Variants in MED1 observed in about 807,000 individuals in gnomAD.
The protein encoded by MED1 is mediator of RNA polymerase II transcription subunit 1.
A neutral mutation model predicts 121.3 loss-of-function variants in MED1; 17 were observed. The observed-to-expected ratio is 0.14, with a 90% CI of 0.10 to 0.21. MED1 has a LOEUF of 0.21. Among genes scored for constraint, MED1 ranks in the 10% least tolerant of loss-of-function variants. The probability of loss-of-function intolerance (pLI) is 1.00; values close to 1 mark genes in which losing one functional copy is unlikely to be tolerated. For synonymous variants in MED1, 661 were observed against 694.4 expected (o/e 0.95, Z 0.76); for missense variants, 1,558 against 1,919.4 (o/e 0.81, Z 3.52).
intron 2 of MED1, among the ~76,000 whole-genome samples, chr17:39,446,566 G>A (rs961753459): frequency 6.6e-6 from 1 of 151,372 alleles, no homozygotes; most frequent in African/African-American, 2.4e-5. Context: ...ACGAGGTCAG[G>A]AGATGGAGAC....
At position 39,408,744 on chromosome 17, in the gene MED1, G is replaced by A. The variant is rs1408742635; in HGVS notation, c.3477C>T (p.Thr1159=). 6.2e-7 allele frequency: 1 copy of A among 1,614,196 alleles called. No individual in the cohort carries two copies. Among genetic ancestry groups the A allele is most frequent in the Non-Finnish European group, 8.5e-7 (1 of 1,180,034 alleles). Residue 1159 remains threonine (T), a synonymous_variant, in exon 17 of 17, where the codon ACC becomes ACT. Transcript: ENST00000300651. The surrounding 1 kb of genome is among the most constrained non-coding windows in gnomAD (Gnocchi z 4.7). ...TAGAGCCACTGCTCAGTCCATGCTT[G>A]GTTATGGGAGAGGAGCCTGGCTTCC... ...SGGKPGSSPI[T]KHGLSSGSSS...
chr17:39,438,779 T>G (rs1019333572), intron 6 of MED1, among the ~76,000 whole-genome samples: 5 of 152,070 alleles, frequency 3.3e-5, no homozygotes, highest in Non-Finnish European at 4.4e-5. Context: ...AGCCACCTAG[T>G]CTCTATTAAA....
intron 12 of MED1, 94 bp from the exon 13 acceptor site, chr17:39,423,539 A>C: frequency 7.1e-7 from 1 of 1,415,208 alleles, no homozygotes; most frequent in Non-Finnish European, 1.0e-6. Context: ...CACCCAAAAG[A>C]GTACTTACTA....
At chr17:39,416,585 T>G (rs2048411273) in intron 14 of MED1, among the ~76,000 whole-genome samples, 1 of 152,190 alleles carries the variant, frequency 6.6e-6, no homozygotes, top group Non-Finnish European at 1.5e-5. Flanking sequence ...TCTTAAGGCA[T>G]TTTAACACAT....
At chr17:39,446,557 C>T (rs2048729592) in intron 2 of MED1, among the ~76,000 whole-genome samples, 3 of 150,940 alleles carry the variant, frequency 2.0e-5, no homozygotes, top group Non-Finnish European at 3.0e-5. Context: ...AGGCAGATCA[C>T]GAGGTCAGGA....
chr17:39,414,582 G>A (rs968373236), intron 16 of MED1, among the ~76,000 whole-genome samples: 2 of 135,766 alleles, frequency 1.5e-5, no homozygotes, highest in Admixed American at 7.9e-5. Context: ...TGATCCACCC[G>A]CCTTCACCTC....
chr17:39,417,732 G>A (rs2144728423), intron 14 of MED1, among the ~76,000 whole-genome samples: 1 of 152,276 alleles, frequency 6.6e-6, no homozygotes, highest in East Asian at 1.9e-4. Context: ...TATCAACAGA[G>A]CGCTTCTGAC....
intron 3 of MED1, among the ~76,000 whole-genome samples, 187 bp downstream of exon 3, chr17:39,443,363 A>G (rs540830167): frequency 6.6e-6 from 1 of 152,226 alleles, no homozygotes; most frequent in East Asian, 1.9e-4. Flanking sequence ...CCTCCAAAAC[A>G]GGATCAAAAA....
At chr17:39,419,667 G>A (rs1220683523) in intron 14 of MED1, 50 bp downstream of exon 14, 4 of 1,536,518 alleles carry the variant, frequency 2.6e-6, no homozygotes, top group Non-Finnish European at 2.7e-6. Context: ...AGAACCACTG[G>A]AGAAGTAAGT....
chr17:39,434,385 T>C, intron 6 of MED1, 65 bp from the exon 7 acceptor site: 1 of 813,968 alleles, frequency 1.2e-6, no homozygotes, highest in Non-Finnish European at 1.9e-6. Flanking sequence ...TACTCAATCT[T>C]ACAACAAAGT....
At position 39,440,005 on chromosome 17, in the gene MED1, G is replaced by T. The variant is rs1476913039; in HGVS notation, c.399+381C>A. Among the ~76,000 whole-genome samples, 1 of 122,084 alleles carries T rather than the reference G, an allele frequency of 8.2e-6. No individual in the cohort carries two copies. Among genetic ancestry groups the T allele is most frequent in the South Asian group, 3.0e-4 (1 of 3,312 alleles). The allele number at this position is 122,084 out of a possible 152,430, so 80.1% of individuals were successfully genotyped here. A position where few individuals can be genotyped will look rare whatever the true frequency, so the allele number is the denominator to read the frequency against. On this transcript the variant is annotated intron_variant, in intron 5 of 16. Coordinates refer to ENST00000300651, the MANE Select transcript of MED1 (RefSeq NM_004774.4). This position sits in a 1 kb window ranked among gnomAD's most constrained non-coding sequence, Gnocchi z 4.1. ...AAGAAAGAAGGAAGGAAGGAAGGAA[G>T]GAAGGAAGGAAGGAAAGAAAGAAAG...
intron 6 of MED1, among the ~76,000 whole-genome samples, chr17:39,436,169 T>C (rs1488091855): frequency 6.6e-5 from 10 of 151,902 alleles, no homozygotes; most frequent in Admixed American, 6.6e-4. Flanking sequence ...GAAACCATCC[T>C]GGCTAACACG....
chr17:39,447,997 G>T, intron 1 of MED1, 93 bp from the exon 2 acceptor site: 1 of 778,854 alleles, frequency 1.3e-6, no homozygotes, highest in Non-Finnish European at 2.1e-6. Flanking sequence ...CTTCATCACA[G>T]TAAGAATTCA....
chr17:39,442,469 C>T (rs775451132), intron 3 of MED1, among the ~76,000 whole-genome samples: 14 of 138,112 alleles, frequency 1.0e-4, no homozygotes, highest in East Asian at 3.9e-4. Context: ...TGGTGGGACG[C>T]GCCTGTAGTC....
chr17:39,410,867 C>A, intron 16 of MED1, 146 bp from the exon 17 acceptor site: 1 of 1,234,294 alleles, frequency 8.1e-7, no homozygotes, highest in Non-Finnish European at 1.1e-6. Context: ...TATCAAATAC[C>A]AGAGCTTTGG....
rs1358866044 is a variant in MED1, at chr17:39,408,393, A to G, written c.3828T>C (p.Ser1276=). 2.5e-6 allele frequency: 4 copies of G among 1,614,054 alleles called. No homozygotes were observed. Among genetic ancestry groups the G allele is most frequent in the Non-Finnish European group, 3.4e-6 (4 of 1,180,044 alleles). ...CTASSSSFSS[S]GSSMSSSQNQ... is the part of the protein sequence containing the mutation. ...TCTGAGAGGATGACATGGAAGAGCC[A>G]CTTGAGGAAAAGGAGGAGGAAGATG... The change falls in exon 17 of 17, where the codon AGT becomes AGC. Residue 1276 remains serine, a synonymous_variant. Transcript: ENST00000300651. This position sits in a 1 kb window ranked among gnomAD's most constrained non-coding sequence, Gnocchi z 4.7.
chr17:39,432,592 CA>C (rs60192843), intron 7 of MED1, among the ~76,000 whole-genome samples: 6,448 of 136,324 alleles, frequency 0.047, 156 homozygotes, highest in Non-Finnish European at 0.07. Flanking sequence ...TAATAAAATA[CA>C]AAAAAAAAAA....
intron 6 of MED1, among the ~76,000 whole-genome samples, chr17:39,435,169 A>G (rs10445306): frequency 0.63 from 95,424 of 151,848 alleles, 32,733 homozygotes; most frequent in South Asian, 0.89. Context: ...CTGTGTGTCA[A>G]AAAAAGAAAA....
chr17:39,423,789 T>A lies in MED1; in HGVS notation c.884A>T (p.Asn295Ile). 6.2e-7 allele frequency: 1 copy of A among 1,613,756 alleles called. No individual in the cohort carries two copies. The highest frequency in any genetic ancestry group is 8.5e-7 in the Non-Finnish European group (1 of 1,179,928). The stretch of plus-strand genomic sequence containing the variant: ...GAAACAGGCAGGAAGATCAACACTG[T>A]TGGCACTGGTGATTGAGGAGAAGGA... The part of the protein sequence containing the change: ...TPSFSSITSA[N>I]SVDLPACFFL... Residue 295 changes from asparagine (N) to isoleucine (I), a missense_variant, in exon 12 of 17, where the codon AAC becomes ATC. Around this residue, in one of 5 missense-constraint regions of MED1, gnomAD observed 443 missense variants for 532.4 expected, o/e 0.83. Coordinates refer to ENST00000300651, the MANE Select transcript of MED1 (RefSeq NM_004774.4).
Sources: gnomAD v4.1 joint callset for allele counts (sites outside exome capture counted in the v4.1 genomes callset) on GRCh38, gnomAD v4.1.1 for gene constraint, gnomAD v4.1.1 regional missense constraint, Gnocchi (gnomAD v3.1) non-coding constraint, MANE v1.5 for transcripts, NCBI Gene and HGNC (gene_info 2026-07-23, HGNC 2026-07-21) for gene names.